Variants in PDE11A observed in about 807,000 individuals in gnomAD.
The protein encoded by PDE11A is dual 3',5'-cyclic-AMP and -GMP phosphodiesterase 11A.
In PDE11A, 100 loss-of-function variants were observed where a neutral mutation model predicts 100.5. The observed-to-expected ratio is 1.00, with a 90% CI of 0.85 to 1.18. The LOEUF (loss-of-function observed/expected upper bound fraction) is 1.18, where lower values mean the gene tolerates loss of function less well. Ranked by LOEUF, PDE11A falls within the 50% of genes most tolerant of loss-of-function variation. PDE11A has a pLI of 0.00. For synonymous variants in PDE11A, 381 were observed against 420.8 expected (o/e 0.91, Z 1.16); for missense variants, 1,141 against 1,152.6 (o/e 0.99, Z 0.15).
intron 4 of PDE11A, among the ~76,000 whole-genome samples, chr2:177,891,297 C>T (rs1456528926): frequency 2.0e-5 from 3 of 152,124 alleles, no homozygotes; most frequent in Non-Finnish European, 4.4e-5. Flanking sequence ...AGCAAGACTC[C>T]ATCTCCAAAT....
At chr2:177,853,134 G>GT (rs2083744849) in intron 5 of PDE11A, among the ~76,000 whole-genome samples, 2 of 138 alleles carry the variant, frequency 0.014, no homozygotes, top group East Asian at 0.071. Flanking sequence ...AAATCTGGGT[G>GT]GTTTTTTTGT....
rs561344860 is a variant in PDE11A, at chr2:177,994,897, G to GA, written c.1071+19404dup. ...GGTGATAAACAGGTGTCTTGCAAAA[G>GA]AAAAAAAAAACCACAGTGTTAAGTT... On this transcript the variant is annotated intron_variant, in intron 2 of 19. Coordinates refer to ENST00000286063, the MANE Select transcript of PDE11A (RefSeq NM_016953.4). Among the ~76,000 whole-genome samples the GA allele has an allele frequency of 1.6e-3, 221 of 142,506 alleles. 1 individual carries two copies. Among genetic ancestry groups the GA allele is most frequent in the African/African-American group, 4.7e-3 (183 of 38,930 alleles). 93.5% of individuals were successfully genotyped at this position (142,506 alleles called of 152,430 possible).
chr2:178,087,969 G>A (rs1340323955), intron 2 of PDE11A, among the ~76,000 whole-genome samples: 2 of 151,772 alleles, frequency 1.3e-5, no homozygotes, highest in Non-Finnish European at 2.9e-5. Context: ...AAATATATTC[G>A]AAAATGAGAG....
intron 5 of PDE11A, among the ~76,000 whole-genome samples, chr2:177,866,399 C>G (rs528972026): frequency 6.6e-6 from 1 of 152,206 alleles, no homozygotes; most frequent in Non-Finnish European, 1.5e-5. Context: ...ACACTGTGAC[C>G]AAAGACTCTT....
chr2:177,850,109 G>T (rs1287982266), intron 5 of PDE11A, among the ~76,000 whole-genome samples: 1 of 152,134 alleles, frequency 6.6e-6, no homozygotes, highest in Non-Finnish European at 1.5e-5. Flanking sequence ...AAAGCTGGAG[G>T]CATCATGCTA....
chr2:177,848,865 T>C (rs1374448793), intron 5 of PDE11A, among the ~76,000 whole-genome samples: 1 of 152,138 alleles, frequency 6.6e-6, no homozygotes, highest in East Asian at 1.9e-4. Context: ...AAGGTTCAAA[T>C]ACAGAGAACT....
At chr2:178,058,617 A>G (rs2086928779) in intron 1 of PDE11A, among the ~76,000 whole-genome samples, 1 of 152,196 alleles carries the variant, frequency 6.6e-6, no homozygotes, top group Non-Finnish European at 1.5e-5. Context: ...AGAATAGACT[A>G]ATACATTTCC....
intron 10 of PDE11A, among the ~76,000 whole-genome samples, chr2:177,736,327 C>T (rs184566276): frequency 6.6e-6 from 1 of 152,048 alleles, no homozygotes; most frequent in African/African-American, 2.4e-5. Flanking sequence ...GCCTGGACAA[C>T]ATGGTGAAAC....
chr2:177,964,457 G>A (rs1208105401), intron 2 of PDE11A, among the ~76,000 whole-genome samples: 1 of 152,154 alleles, frequency 6.6e-6, no homozygotes, highest in East Asian at 1.9e-4. Flanking sequence ...CATGTTGCAG[G>A]GGTTTGTTGT....
At chr2:177,995,334 T>C (rs1430370578) in intron 2 of PDE11A, among the ~76,000 whole-genome samples, 1 of 152,244 alleles carries the variant, frequency 6.6e-6, no homozygotes, top group African/African-American at 2.4e-5. Flanking sequence ...GCTGACCAAC[T>C]TTTGCTCATT....
rs188683161 is a variant in PDE11A at position 178,022,656 on chromosome 2, A to C, written c.913-8196T>G. ...GAGGAAACAGGACTAGTAAGAAGGC[A>C]AAAAATGTGCTTGTTTCTGAAAATG... On this transcript the variant is annotated intron_variant, in intron 1 of 19. Coordinates refer to ENST00000286063, the MANE Select transcript of PDE11A (RefSeq NM_016953.4). Among the ~76,000 whole-genome samples, 38 of 152,270 alleles carry C rather than the reference A, an allele frequency of 2.5e-4. 1 individual carries two copies. The East Asian group carries it at 6.4e-3, about 26-fold the overall frequency.
intron 1 of PDE11A, among the ~76,000 whole-genome samples, chr2:178,032,759 G>C (rs1300488485): frequency 6.6e-6 from 1 of 152,116 alleles, no homozygotes; most frequent in South Asian, 2.1e-4. Flanking sequence ...AGGCGAACAG[G>C]GTCTAGAGTG....
intron 1 of PDE11A, among the ~76,000 whole-genome samples, chr2:178,107,269 G>C (rs1398515490): frequency 1.3e-5 from 2 of 151,962 alleles, no homozygotes; most frequent in African/African-American, 4.8e-5. Flanking sequence ...AGGAAGGGAA[G>C]AGCAGGATAG....
chr2:177,689,270 C>T (rs555318577), intron 15 of PDE11A, among the ~76,000 whole-genome samples: 3 of 152,104 alleles, frequency 2.0e-5, no homozygotes, highest in African/African-American at 7.2e-5. Flanking sequence ...TTAGTAGAGA[C>T]GGGGTTTCTC....
At chr2:177,632,380 C>A (rs2079965082) in intron 19 of PDE11A, among the ~76,000 whole-genome samples, 1 of 152,222 alleles carries the variant, frequency 6.6e-6, no homozygotes, top group African/African-American at 2.4e-5. Flanking sequence ...TAAGGGTTGA[C>A]ACCAGGACCT....
chr2:177,967,685 C>G (rs867467686), intron 2 of PDE11A, among the ~76,000 whole-genome samples: 1 of 151,992 alleles, frequency 6.6e-6, no homozygotes, highest in African/African-American at 2.4e-5. Context: ...AATCTACTGT[C>G]TCCCCAGGGC....
At chr2:177,769,656 A>T (rs1255659843) in intron 9 of PDE11A, among the ~76,000 whole-genome samples, 2 of 152,052 alleles carry the variant, frequency 1.3e-5, no homozygotes, top group African/African-American at 4.8e-5. Flanking sequence ...GGAGGGCAAG[A>T]TGGGCAGATC....
intron 2 of PDE11A, among the ~76,000 whole-genome samples, chr2:177,990,737 C>CAA (rs71010847): frequency 9.4e-5 from 7 of 74,520 alleles, no homozygotes; most frequent in East Asian, 4.4e-4. Flanking sequence ...GACTCTGTCT[C>CAA]AAAAAAAAAA....
intron 1 of PDE11A, among the ~76,000 whole-genome samples, chr2:178,063,443 T>C (rs10211057): frequency 0.065 from 9,909 of 152,214 alleles, 338 homozygotes; most frequent in South Asian, 0.088. Flanking sequence ...ACGGGAGGCA[T>C]GGCACACTGT....
Sources: gnomAD v4.1 joint callset for allele counts (sites outside exome capture counted in the v4.1 genomes callset) on GRCh38, gnomAD v4.1.1 for gene constraint, MANE v1.5 for transcripts, NCBI Gene and HGNC (gene_info 2026-07-23, HGNC 2026-07-21) for gene names.